CAPN7: variants seen among roughly 807,000 people sequenced by gnomAD.
CAPN7 encodes calpain 7.
A neutral mutation model predicts 115.2 loss-of-function variants in CAPN7; 72 were observed. The ratio of observed to expected loss-of-function variants is 0.63; its 90% CI spans 0.52 to 0.76. CAPN7 has a LOEUF of 0.76. CAPN7 is among the 30% of genes least tolerant of loss of function. CAPN7 has a pLI of 0.00. For synonymous variants in CAPN7, 344 were observed against 322.3 expected (o/e 1.07, Z -0.72); for missense variants, 905 against 971.5 (o/e 0.93, Z 0.91).
At position 15,218,459 on chromosome 3, in the gene CAPN7, T is replaced by C. The variant is rs751193865; in HGVS notation, c.370-14T>C. 1.2e-5 allele frequency: 19 copies of C among 1,590,182 alleles called. No homozygotes were observed. The highest frequency in any genetic ancestry group is 1.6e-5 in the Non-Finnish European group (19 of 1,163,972). ...ATTATGCTTTAAAATGTCTGTCTCT[T>C]TCTTTCTCTTAAGTCTTATGAAACT... is the stretch of plus-strand genomic sequence containing the variant. On this transcript the variant is annotated splice_polypyrimidine_tract_variant and intron_variant, in intron 3 of 20. Transcript: ENST00000253693.
At position 15,245,718 on chromosome 3, in the gene CAPN7, T is replaced by C. The variant is rs771159310; in HGVS notation, c.2010+47T>C. 10 of 1,534,658 alleles carry C rather than the reference T, an allele frequency of 6.5e-6. No individual in the cohort carries two copies. In the South Asian group the frequency reaches 1.2e-4, roughly 19 times the overall value. On this transcript the variant is annotated intron_variant, in intron 17 of 20. Transcript: ENST00000253693. Reference sequence around the variant, plus strand: ...TGACAAAACACAGTAATATAAAGTATGTAATATGCTCTGCTTTGTAAGTGG... The same window carrying C: ...TGACAAAACACAGTAATATAAAGTACGTAATATGCTCTGCTTTGTAAGTGG...
chr3:15,240,417 A>C, intron 12 of CAPN7, 56 bp from the exon 13 acceptor site: 2 of 1,487,186 alleles, frequency 1.3e-6, no homozygotes, highest in Non-Finnish European at 1.8e-6. Flanking sequence ...AAGAGAACTA[A>C]TATGGTAAAA....
At position 15,240,611 on chromosome 3, in the gene CAPN7, G is replaced by A; in HGVS notation, c.1546G>A (p.Asp516Asn). Residue 516 changes from aspartate to asparagine, a missense_variant, in exon 13 of 21, where the codon GAC becomes AAC. This residue lies in a region of CAPN7 where 620 missense variants were observed against 703.4 expected (regional missense o/e 0.88). Coordinates refer to ENST00000253693, the MANE Select transcript of CAPN7 (RefSeq NM_014296.3). ...TGATCCCCGAACAGCTCAGAAAATA[G>A]ACAACGGTAAATATATCTTTTTAAT... ...NFDPRTAQKI[D>N]NGIFWISWDD... The A allele has an allele frequency of 6.3e-7, 1 of 1,594,126 alleles. No homozygotes were observed. The highest frequency in any genetic ancestry group is 1.2e-5 in the South Asian group (1 of 86,614).
chr3:15,209,319 CTTT>C (rs1242637812), intron 1 of CAPN7, among the ~76,000 whole-genome samples: 1 of 152,034 alleles, frequency 6.6e-6, no homozygotes, highest in Non-Finnish European at 1.5e-5. Flanking sequence ...CTATTTTTTT[CTTT>C]TTTTATTGAT....
intron 3 of CAPN7, 21 bp downstream of exon 3, chr3:15,217,603 C>T (rs150164519): frequency 1.0e-5 from 16 of 1,587,378 alleles, no homozygotes; most frequent in South Asian, 4.6e-5. Context: ...CTACAAATTA[C>T]GTTTGATGAG....
In CAPN7 at chr3:15,251,335, A is replaced by G; in HGVS notation, c.*75A>G. The G allele has an allele frequency of 8.3e-7, 1 of 1,207,216 alleles. No individual in the cohort carries two copies. The highest frequency in any genetic ancestry group is 1.2e-6 in the Non-Finnish European group (1 of 855,786). The allele number at this position is 1,207,216 out of a possible 1,614,324, so 74.8% of individuals were successfully genotyped here. On this transcript the variant is annotated 3_prime_UTR_variant, in exon 21 of 21. Coordinates refer to ENST00000253693, the MANE Select transcript of CAPN7 (RefSeq NM_014296.3). ...TCAAATAAGGACGCAAATCTTCAGG[A>G]CAGTAAGCAGAACAATCAGAATGGA...
chr3:15,220,947 CAG>C lies in CAPN7; in HGVS notation c.608_609del (p.Arg203IlefsTer27). ...ISPQSCDAQG[Q>X]RYTAEEIEVL... ...TCCTCAGTCATGTGATGCACAAGGACAGAGATACACAGCAGAAGAAATAGAAG... is the reference window on the plus strand; with the variant it reads ...TCCTCAGTCATGTGATGCACAAGGACAGATACACAGCAGAAGAAATAGAAG... On this transcript the variant is annotated frameshift_variant, in exon 5 of 21. Transcript: ENST00000253693. LOFTEE classifies it high-confidence loss of function. 6.2e-7 allele frequency: 1 copy of C among 1,613,948 alleles called. No individual in the cohort carries two copies. Among genetic ancestry groups the C allele is most frequent in the Non-Finnish European group, 8.5e-7 (1 of 1,179,874 alleles).
rs375097338 is a variant in CAPN7, at chr3:15,224,412, G to T, written c.725+851G>T. On this transcript the variant is annotated intron_variant, in intron 6 of 20. Coordinates refer to ENST00000253693, the MANE Select transcript of CAPN7 (RefSeq NM_014296.3). ...CTCAGCCTCTTGTATAGCTGGGACC[G>T]CAGGCATGCACCATCACGCCCAGCT... Among the ~76,000 whole-genome samples, 27 of 151,812 alleles carry T rather than the reference G, an allele frequency of 1.8e-4. No individual in the cohort carries two copies. In the South Asian group the frequency reaches 5.2e-3, roughly 29 times the overall value.
At chr3:15,209,935 T>G (rs931334614) in intron 1 of CAPN7, among the ~76,000 whole-genome samples, 1 of 152,226 alleles carries the variant, frequency 6.6e-6, no homozygotes, top group Admixed American at 6.5e-5. Flanking sequence ...GCTATTTATT[T>G]CTTGTCAGTT....
At chr3:15,217,328 A>G (rs951076815) in intron 2 of CAPN7, 97 bp from the exon 3 acceptor site, 1 of 1,063,070 alleles carries the variant, frequency 9.4e-7, no homozygotes, top group South Asian at 2.1e-5. Flanking sequence ...TGAAGAATAC[A>G]GGGTTTTGGT....
At position 15,230,548 on chromosome 3, in the gene CAPN7, T is replaced by C. The variant is rs1183700018; in HGVS notation, c.1032+13T>C. The stretch of plus-strand genomic sequence containing the variant: ...TGTCCCAAGAAAGGTGAATAATGTC[T>C]CTCCCCACTCCCATCCCTTGTCTCT... On this transcript the variant is annotated intron_variant, in intron 9 of 20. Coordinates refer to ENST00000253693, the MANE Select transcript of CAPN7 (RefSeq NM_014296.3). The C allele has an allele frequency of 6.8e-7, 1 of 1,467,174 alleles. No individual in the cohort carries two copies. The highest frequency in any genetic ancestry group is 1.4e-5 in the African/African-American group (1 of 72,046). 90.9% of individuals were successfully genotyped at this position (1,467,174 alleles called of 1,614,324 possible).
Position 15,212,144 on chromosome 3 carries a change from C to G in CAPN7, c.143C>G (p.Ser48Ter). Reference sequence around the variant, plus strand: ...TTAATTTATGCTGAGATGGCAGGATCAAGCCTAGAAAATATTCAAGAAAAA... The same window carrying G: ...TTAATTTATGCTGAGATGGCAGGATGAAGCCTAGAAAATATTCAAGAAAAA... ...QALIYAEMAGSSLENIQEKIT... is the reference protein window; with the variant it reads ...QALIYAEMAG The change falls in exon 2 of 21, where the codon TCA becomes TGA. Residue 48 changes from serine to a stop codon, truncating the protein, a stop_gained. Transcript: ENST00000253693. LOFTEE classifies it high-confidence loss of function. 2 of 1,611,018 alleles carry G rather than the reference C, an allele frequency of 1.2e-6. No homozygotes were observed. The highest frequency in any genetic ancestry group is 1.3e-5 in the African/African-American group (1 of 74,926).
intron 17 of CAPN7, chr3:15,245,963 A>T (rs1222889962): frequency 2.4e-5 from 5 of 206,960 alleles, no homozygotes; most frequent in Non-Finnish European, 4.8e-5. Flanking sequence ...TTTGAGACAG[A>T]GTCTTGCTCT....
chr3:15,248,351 A>G (rs572296967), intron 19 of CAPN7, among the ~76,000 whole-genome samples: 8 of 152,362 alleles, frequency 5.3e-5, no homozygotes, highest in African/African-American at 1.9e-4. Context: ...GAAATAAATT[A>G]CAGCTACACA....
intron 2 of CAPN7, among the ~76,000 whole-genome samples, chr3:15,217,159 A>C (rs1030042395): frequency 1.1e-4 from 16 of 151,968 alleles, no homozygotes; most frequent in African/African-American, 3.9e-4. Context: ...AGGTGGGAGA[A>C]TCTCTTGAGC....
intron 12 of CAPN7, among the ~76,000 whole-genome samples, chr3:15,239,319 A>ACT (rs946442313): frequency 3.9e-5 from 6 of 152,354 alleles, no homozygotes; most frequent in Non-Finnish European, 8.8e-5. Context: ...ATCATTAGAA[A>ACT]AAGTACACAA....
At position 15,217,417 on chromosome 3, in the gene CAPN7, T is replaced by A. The variant is rs893207922; in HGVS notation, c.212-8T>A. 3.7e-5 allele frequency: 58 copies of A among 1,587,490 alleles called. No homozygotes were observed. The highest frequency in any genetic ancestry group is 4.7e-5 in the Non-Finnish European group (55 of 1,168,832). On this transcript the variant is annotated splice_polypyrimidine_tract_variant and splice_region_variant and intron_variant, in intron 2 of 20. Transcript: ENST00000253693. The stretch of plus-strand genomic sequence containing the variant: ...TACTCCTTCTGCGTATTTTTTTTTC[T>A]ATCCTAGTTCAGTCAAAGAGTGCTG...
chr3:15,230,775 A>T (rs1432222370), intron 9 of CAPN7, among the ~76,000 whole-genome samples: 1 of 152,222 alleles, frequency 6.6e-6, no homozygotes, highest in Non-Finnish European at 1.5e-5. Flanking sequence ...TCAAAAAGTA[A>T]CGTTCAACTA....
rs143588487 is a variant in CAPN7 at position 15,244,101 on chromosome 3, C to A, written c.1865-1425C>A. ...AGGAAGCAACTGTTGACAGTTCTTG[C>A]AAGAAAGCTGTGCAAAGAAATGGGC... On this transcript the variant is annotated intron_variant, in intron 16 of 20. Coordinates refer to ENST00000253693, the MANE Select transcript of CAPN7 (RefSeq NM_014296.3). 5.5e-4 allele frequency among the ~76,000 whole-genome samples: 84 copies of A among 152,204 alleles called. 1 individual carries two copies. The highest frequency in any genetic ancestry group is 1.8e-3 in the African/African-American group (74 of 41,522).
Sources: gnomAD v4.1 joint callset for allele counts (sites outside exome capture counted in the v4.1 genomes callset) on GRCh38, gnomAD v4.1.1 for gene constraint, gnomAD v4.1.1 regional missense constraint, MANE v1.5 for transcripts, NCBI Gene and HGNC (gene_info 2026-07-23, HGNC 2026-07-21) for gene names.